Variants in STX8 observed in about 807,000 individuals in gnomAD.
STX8 encodes syntaxin 8, also known as syntaxin-8.
A neutral mutation model predicts 37.5 loss-of-function variants in STX8; 23 were observed. That is an observed-to-expected ratio of 0.61 (90% CI 0.44 to 0.87). STX8 has a LOEUF of 0.87. Ranked by LOEUF, STX8 falls within the 40% of genes least tolerant of loss-of-function variation. The pLI is 0.00. For synonymous variants in STX8, 115 were observed against 99.1 expected (o/e 1.16, Z -0.95); for missense variants, 313 against 284.7 (o/e 1.10, Z -0.71).
rs542328997 is a variant in STX8 at position 9,349,748 on chromosome 17, TCTC to T, written c.643+28801_643+28803del. Reference sequence around the variant, plus strand: ...AATGTGGTCTCTCTCTCTCTCTCTCTCTCAACAGATCTGACTGTACTGTACTCC... The same window carrying T: ...AATGTGGTCTCTCTCTCTCTCTCTCTAACAGATCTGACTGTACTGTACTCC... On this transcript the variant is annotated intron_variant, in intron 7 of 7. Coordinates refer to ENST00000306357, the MANE Select transcript of STX8 (RefSeq NM_004853.3). 6.6e-5 allele frequency among the ~76,000 whole-genome samples: 10 copies of T among 151,084 alleles called. No homozygotes were observed. The South Asian group carries it at 1.9e-3, about 28-fold the overall frequency.
At chr17:9,429,375 A>T (rs893805674) in intron 6 of STX8, among the ~76,000 whole-genome samples, 1 of 145,456 alleles carries the variant, frequency 6.9e-6, no homozygotes, top group African/African-American at 2.5e-5. Flanking sequence ...ATATTTATAT[A>T]TAACATATAT....
At chr17:9,370,303 G>A (rs1911363716) in intron 7 of STX8, among the ~76,000 whole-genome samples, 1 of 152,158 alleles carries the variant, frequency 6.6e-6, no homozygotes, top group South Asian at 2.1e-4. Flanking sequence ...CCACCTAACT[G>A]TTCTCACTTA....
rs145108241 is a variant in STX8 at position 9,541,883 on chromosome 17, G to A, written c.323+3289C>T. Among the ~76,000 whole-genome samples the A allele has an allele frequency of 5.4e-3, 820 of 152,302 alleles. 15 individuals carry two copies. The highest frequency in any genetic ancestry group is 0.038 in the Admixed American group (577 of 15,294). ...CATGACTAGTACACTGTGACATAGA[G>A]CAGTCGTTCTAACCCTGCCACCTAC... On this transcript the variant is annotated intron_variant, in intron 4 of 7. Transcript: ENST00000306357.
intron 7 of STX8, among the ~76,000 whole-genome samples, chr17:9,273,803 A>G (rs922202145): frequency 6.7e-4 from 102 of 152,292 alleles, no homozygotes; most frequent in Non-Finnish European, 1.5e-4. Flanking sequence ...CTCACGTTGG[A>G]AATCCAAGCT....
At chr17:9,505,569 C>A (rs1904792253) in intron 4 of STX8, among the ~76,000 whole-genome samples, 1 of 152,126 alleles carries the variant, frequency 6.6e-6, no homozygotes, top group South Asian at 2.1e-4. Flanking sequence ...AATATTATTT[C>A]TCAAGCAGAC....
At chr17:9,429,527 C>A (rs959222993) in intron 6 of STX8, among the ~76,000 whole-genome samples, 6 of 141,408 alleles carry the variant, frequency 4.2e-5, no homozygotes, top group Admixed American at 3.9e-4. Flanking sequence ...CACGGTGAAA[C>A]CCCATCTCTA....
intron 6 of STX8, among the ~76,000 whole-genome samples, chr17:9,471,987 G>A (rs1905884827): frequency 6.6e-6 from 1 of 151,820 alleles, no homozygotes; most frequent in South Asian, 2.1e-4. Context: ...TGATGTTCCT[G>A]AGGGAGACAT....
intron 7 of STX8, among the ~76,000 whole-genome samples, chr17:9,373,403 C>T (rs1193132879): frequency 2.0e-5 from 3 of 152,114 alleles, no homozygotes; most frequent in Non-Finnish European, 4.4e-5. Context: ...GTGATATATA[C>T]ATAAAATGGA....
At chr17:9,290,330 G>C (rs1908271532) in intron 7 of STX8, among the ~76,000 whole-genome samples, 1 of 139,594 alleles carries the variant, frequency 7.2e-6, no homozygotes, top group Non-Finnish European at 1.6e-5. Flanking sequence ...TGTGGATTGA[G>C]GGCAGGTGTA....
chr17:9,312,594 A>C (rs896214721), intron 7 of STX8, among the ~76,000 whole-genome samples: 1 of 152,190 alleles, frequency 6.6e-6, no homozygotes, highest in African/African-American at 2.4e-5. Context: ...GCTGTTGAAT[A>C]CTCACTGAGT....
intron 7 of STX8, among the ~76,000 whole-genome samples, chr17:9,272,238 C>T (rs1031329371): frequency 6.6e-6 from 1 of 152,214 alleles, no homozygotes; most frequent in African/African-American, 2.4e-5. Context: ...GCCAGATTGC[C>T]GGGCTTTGCT....
chr17:9,336,343 C>G (rs1040165870), intron 7 of STX8, among the ~76,000 whole-genome samples: 1 of 152,098 alleles, frequency 6.6e-6, no homozygotes, highest in Admixed American at 6.6e-5. Flanking sequence ...GGAAAATAGA[C>G]AATACTTTAG....
chr17:9,511,447 A>G (rs1347270937), intron 4 of STX8, among the ~76,000 whole-genome samples: 1 of 152,226 alleles, frequency 6.6e-6, no homozygotes, highest in Non-Finnish European at 1.5e-5. Flanking sequence ...GGAATGGTTC[A>G]ACATACACAA....
At chr17:9,400,106 ATT>A (rs368851654) in intron 6 of STX8, among the ~76,000 whole-genome samples, 1 of 138,030 alleles carries the variant, frequency 7.2e-6, no homozygotes, top group African/African-American at 2.8e-5. Context: ...TGTTGTTATT[ATT>A]TTTTTTTTTT....
chr17:9,558,686 G>A (rs991820250), intron 2 of STX8, among the ~76,000 whole-genome samples: 5 of 152,196 alleles, frequency 3.3e-5, no homozygotes, highest in Admixed American at 2.0e-4. Context: ...AGCTGGGCGC[G>A]GTGGCGGGCG....
chr17:9,514,905 T>C (rs550507744), intron 4 of STX8, among the ~76,000 whole-genome samples: 11 of 152,286 alleles, frequency 7.2e-5, no homozygotes, highest in South Asian at 4.1e-4. Context: ...TCCCACAATA[T>C]GGAGTGAACA....
intron 7 of STX8, among the ~76,000 whole-genome samples, chr17:9,252,851 C>T (rs1215925943): frequency 6.6e-6 from 1 of 152,150 alleles, no homozygotes; most frequent in Non-Finnish European, 1.5e-5. Context: ...TCTAGCTGTG[C>T]TCTGTTTTTG....
chr17:9,468,602 C>G (rs554415790), intron 6 of STX8, among the ~76,000 whole-genome samples: 2 of 152,168 alleles, frequency 1.3e-5, no homozygotes, highest in Non-Finnish European at 2.9e-5. Context: ...GGCACAGAGA[C>G]GCACCACACA....
Position 9,293,068 on chromosome 17 carries a change from G to T in STX8, c.644-42423C>A, listed in dbSNP as rs201043036. 2.6e-5 allele frequency among the ~76,000 whole-genome samples: 4 copies of T among 152,272 alleles called. No individual in the cohort carries two copies. The East Asian group carries it at 7.7e-4, about 29-fold the overall frequency. On this transcript the variant is annotated intron_variant, in intron 7 of 7. Coordinates refer to ENST00000306357, the MANE Select transcript of STX8 (RefSeq NM_004853.3). ...CATTTCACCAATATTATTGAATTGG[G>T]TACAATCACTAAATAACCACTGGGA... is the stretch of plus-strand genomic sequence containing the variant.
Sources: allele counts gnomAD v4.1 joint callset (sites outside exome capture counted in the v4.1 genomes callset), GRCh38; gene constraint gnomAD v4.1.1; transcripts MANE v1.5; gene names NCBI Gene and HGNC (gene_info 2026-07-23, HGNC 2026-07-21).